The following GLIS3 variants were observed in gnomAD, a reference collection of about 807,000 sequenced individuals.
GLIS3 encodes GLIS family zinc finger 3.
GLIS3 carries 53 observed loss-of-function variants against 78.6 expected under a neutral mutation model. The observed-to-expected ratio is 0.67, with a 90% CI of 0.54 to 0.85. The LOEUF is 0.85. GLIS3 is among the 40% of genes least tolerant of loss of function. The pLI, the probability that GLIS3 is intolerant of heterozygous loss-of-function variation, is 0.00. For synonymous variants in GLIS3, 684 were observed against 509.9 expected (o/e 1.34, Z -4.60); for missense variants, 1,703 against 1,231.1 (o/e 1.38, Z -5.74).
At chr9:3,932,230 C>T in intron 6 of GLIS3, 130 bp downstream of exon 6, 1 of 711,790 alleles carries the variant, frequency 1.4e-6, no homozygotes, top group Non-Finnish European at 2.6e-6. Context: ...AGACTTACCT[C>T]CTCAAACGGT....
chr9:4,472,617 G>A, the GLIS3 span, among the ~76,000 whole-genome samples: 1 of 151,372 alleles, frequency 6.6e-6, no homozygotes, highest in Non-Finnish European at 1.5e-5. Flanking sequence ...TGGGGTGTGG[G>A]GAGGGGGGAG....
chr9:3,884,452 C>G (rs1397034584), intron 7 of GLIS3, among the ~76,000 whole-genome samples: 2 of 152,146 alleles, frequency 1.3e-5, no homozygotes, highest in African/African-American at 4.8e-5. Flanking sequence ...ATGTGAGCAG[C>G]AAGAGTCCTG....
Position 4,118,839 on chromosome 9 carries a change from A to G in GLIS3, c.639T>C (p.Ser213=). The change falls in exon 4 of 11, where the codon AGT becomes AGC. Residue 213 remains serine, a synonymous_variant. Transcript: ENST00000381971. The surrounding 1 kb of genome is among the most constrained non-coding windows in gnomAD (Gnocchi z 4.7). Reference sequence around the variant, plus strand: ...TTGAGGCCGACTGACTTTCCGTCAGACTCAAGGTCGTGGACGCCAAAGACT... The same window carrying G: ...TTGAGGCCGACTGACTTTCCGTCAGGCTCAAGGTCGTGGACGCCAAAGACT... ...SRESLASTTL[S]LTESQSASSM... The G allele has an allele frequency of 6.2e-7, 1 of 1,605,018 alleles. No individual in the cohort carries two copies. Among genetic ancestry groups the G allele is most frequent in the Non-Finnish European group, 8.5e-7 (1 of 1,179,940 alleles).
At chr9:4,092,574 A>T (rs1170802770) in intron 4 of GLIS3, among the ~76,000 whole-genome samples, 1 of 152,206 alleles carries the variant, frequency 6.6e-6, no homozygotes, top group African/African-American at 2.4e-5. Flanking sequence ...AAAGTAAGAC[A>T]TGAATACACA....
At chr9:4,000,586 G>T (rs752970352) in intron 4 of GLIS3, among the ~76,000 whole-genome samples, 1 of 152,128 alleles carries the variant, frequency 6.6e-6, no homozygotes, top group Non-Finnish European at 1.5e-5. Flanking sequence ...CTCGTTTAAA[G>T]AAAAAGAAAA....
At position 4,246,827 on chromosome 9, in the gene GLIS3, T is replaced by C. The variant is rs144098984; in HGVS notation, c.388+39211A>G. Among the ~76,000 whole-genome samples the C allele has an allele frequency of 5.0e-3, 759 of 152,322 alleles. 8 individuals are homozygous for C. Among genetic ancestry groups the C allele is most frequent in the African/African-American group, 0.018 (729 of 41,558 alleles). ...TGGACCCCTGACATAAAACTTTAAATTGTGTTTCATTGGTTTTTATGAATA... is the reference window on the plus strand; with the variant it reads ...TGGACCCCTGACATAAAACTTTAAACTGTGTTTCATTGGTTTTTATGAATA... On this transcript the variant is annotated intron_variant, in intron 2 of 10. Transcript: ENST00000381971.
rs555232515 is a variant in GLIS3 at position 3,874,662 on chromosome 9, G to A, written c.2297+4765C>T. 2.0e-4 allele frequency among the ~76,000 whole-genome samples: 30 copies of A among 152,276 alleles called. No individual in the cohort carries two copies. In the South Asian group the frequency reaches 5.8e-3, roughly 30 times the overall value. On this transcript the variant is annotated intron_variant, in intron 8 of 10. Transcript: ENST00000381971. ...CTCCAAGTAGAGAGTGTCAGGATAG[G>A]TTGCAATTAGAGGACACCCAGCTGG... is the stretch of plus-strand genomic sequence containing the variant.
chr9:4,138,525 G>C (rs1303746021), intron 2 of GLIS3, among the ~76,000 whole-genome samples: 2 of 152,208 alleles, frequency 1.3e-5, no homozygotes, highest in East Asian at 3.8e-4. Flanking sequence ...TTAATGGCAG[G>C]AGGAGAGGGG....
intron 2 of GLIS3, among the ~76,000 whole-genome samples, chr9:4,165,724 G>C (rs181290926): frequency 1.3e-5 from 2 of 152,314 alleles, no homozygotes; most frequent in Admixed American, 6.5e-5. Context: ...TATCCAGATA[G>C]AACTACAAAT....
intron 9 of GLIS3, among the ~76,000 whole-genome samples, chr9:3,844,696 C>T (rs1818929661): frequency 6.6e-6 from 1 of 152,192 alleles, no homozygotes; most frequent in South Asian, 2.1e-4. Flanking sequence ...GCAAATGACA[C>T]AGCTTGACTG....
intron 2 of GLIS3, among the ~76,000 whole-genome samples, chr9:4,254,715 C>T (rs1474968560): frequency 6.6e-6 from 1 of 152,008 alleles, no homozygotes; most frequent in African/African-American, 2.4e-5. Context: ...TGGCAAACGC[C>T]TGTAATCCCA....
chr9:4,293,951 G>C (rs911505178), intron 1 of GLIS3, among the ~76,000 whole-genome samples: 1 of 152,176 alleles, frequency 6.6e-6, no homozygotes, highest in Non-Finnish European at 1.5e-5. Context: ...CATAATTCAA[G>C]TTTTACAAAT....
intron 4 of GLIS3, among the ~76,000 whole-genome samples, chr9:4,003,257 T>C (rs1345867084): frequency 2.0e-5 from 3 of 152,028 alleles, no homozygotes; most frequent in Admixed American, 2.0e-4. Context: ...GTAGCCCCCA[T>C]TATACCACAA....
chr9:3,949,611 T>G (rs1423746389), intron 4 of GLIS3, among the ~76,000 whole-genome samples: 1 of 152,240 alleles, frequency 6.6e-6, no homozygotes, highest in African/African-American at 2.4e-5. Flanking sequence ...AGGTGCGTAC[T>G]TAGCTTACCT....
chr9:3,987,250 G>A (rs534508373), intron 4 of GLIS3, among the ~76,000 whole-genome samples: 16 of 151,960 alleles, frequency 1.1e-4, no homozygotes, highest in African/African-American at 3.9e-4. Flanking sequence ...TTGAGGGCAG[G>A]ACAATAAAAT....
At chr9:4,109,942 C>A (rs1831077670) in intron 4 of GLIS3, among the ~76,000 whole-genome samples, 2 of 152,202 alleles carry the variant, frequency 1.3e-5, no homozygotes, top group South Asian at 4.1e-4. Flanking sequence ...CCAAACTCTA[C>A]AGGCATACTT....
chr9:4,202,624 C>A (rs1160878148), intron 2 of GLIS3, among the ~76,000 whole-genome samples: 1 of 151,972 alleles, frequency 6.6e-6, no homozygotes, highest in Admixed American at 6.6e-5. Context: ...AACAGACACA[C>A]AGACCAATGG....
Position 4,118,113 on chromosome 9 carries a change from G to A in GLIS3, c.1365C>T (p.Pro455=). 4 of 1,551,338 alleles carry A rather than the reference G, an allele frequency of 2.6e-6. No homozygotes were observed. The highest frequency in any genetic ancestry group is 3.5e-6 in the Non-Finnish European group (4 of 1,148,504). ...CATGGTAAGGGGGTGGGGGGCCTGG[G>A]GGCGGCGGCAGAGGAGGGAGCGGAG... is the stretch of plus-strand genomic sequence containing the variant. ...PAPPLPPLPP[P]PGPPPPYHAH... Residue 455 remains proline (P), a synonymous_variant, in exon 4 of 11, where the codon CCC becomes CCT. Transcript: ENST00000381971. The surrounding 1 kb of genome is among the most constrained non-coding windows in gnomAD (Gnocchi z 4.7).
At chr9:4,055,164 G>T (rs913806597) in intron 4 of GLIS3, among the ~76,000 whole-genome samples, 1 of 152,134 alleles carries the variant, frequency 6.6e-6, no homozygotes, top group African/African-American at 2.4e-5. Flanking sequence ...GTGCAACTGG[G>T]GCTCCTTGCT....
Sources: gnomAD v4.1 joint callset for allele counts (sites outside exome capture counted in the v4.1 genomes callset) on GRCh38, gnomAD v4.1.1 for gene constraint, Gnocchi (gnomAD v3.1) non-coding constraint, MANE v1.5 for transcripts, NCBI Gene and HGNC (gene_info 2026-07-23, HGNC 2026-07-21) for gene names.